Variants in ZGPAT observed in about 807,000 individuals in gnomAD.
ZGPAT encodes zinc finger CCCH-type and G-patch domain containing.
A neutral mutation model predicts 47.9 loss-of-function variants in ZGPAT; 39 were observed. The observed-to-expected ratio is 0.81, with a 90% CI of 0.63 to 1.06. The LOEUF is 1.06. ZGPAT is among the 50% of genes least tolerant of loss of function. The pLI, the probability that ZGPAT is intolerant of heterozygous loss-of-function variation, is 0.00. For missense variants in ZGPAT, 717 were observed against 681.4 expected, an observed-to-expected ratio of 1.05 and a Z score of -0.58; for synonymous variants, 348 against 292.9, an observed-to-expected ratio of 1.19 and a Z score of -1.92.
At chr20:63,712,048 T>C (rs2091674588) in intron 2 of ZGPAT, among the ~76,000 whole-genome samples, 1 of 152,256 alleles carries the variant, frequency 6.6e-6, no homozygotes, top group African/African-American at 2.4e-5. Context: ...TTATTGCCTA[T>C]GTTTTTGTCA....
At chr20:63,732,692 GCATGTGTATA>G (rs2091927784) in intron 2 of ZGPAT, among the ~76,000 whole-genome samples, 1 of 145,360 alleles carries the variant, frequency 6.9e-6, no homozygotes, top group Non-Finnish European at 1.5e-5. Context: ...ATGTGTGTAT[GCATGTGTATA>G]CATGTGTACT....
chr20:63,731,650 A>T (rs1468936853), intron 2 of ZGPAT, among the ~76,000 whole-genome samples: 1 of 146,242 alleles, frequency 6.8e-6, no homozygotes. Flanking sequence ...TAAAGTGTAC[A>T]GTTGGCCCTG....
chr20:63,735,878 C>T lies in ZGPAT; in HGVS notation c.1495C>T (p.Gln499Ter), dbSNP rs1422006131. ...RAQEAGLQQE[Q>*]RKADTHKKMT... ...TCAGGAAGCCGGCCTGCAGCAGGAGCAGAGGAAGGCAGACACCCACAAGAA... is the reference window on the plus strand; with the variant it reads ...TCAGGAAGCCGGCCTGCAGCAGGAGTAGAGGAAGGCAGACACCCACAAGAA... Residue 499 changes from glutamine to a stop codon, truncating the protein, a stop_gained, in exon 7 of 7, where the codon CAG becomes TAG. Coordinates refer to ENST00000355969, the MANE Select transcript of ZGPAT (RefSeq NM_181485.3). LOFTEE classifies it high-confidence loss of function. 6.2e-7 allele frequency: 1 copy of T among 1,612,898 alleles called. No homozygotes were observed. The highest frequency in any genetic ancestry group is 8.5e-7 in the Non-Finnish European group (1 of 1,179,934).
chr20:63,723,984 G>T (rs1451380422), intron 2 of ZGPAT, among the ~76,000 whole-genome samples: 1 of 152,152 alleles, frequency 6.6e-6, no homozygotes. Context: ...CCCAGCTAAG[G>T]TGGGAGGATC....
chr20:63,735,795 C>T lies in ZGPAT; in HGVS notation c.1412C>T (p.Ser471Leu), dbSNP rs1232914278. The change falls in exon 7 of 7, where the codon TCA becomes TTA. Residue 471 changes from serine (S) to leucine (L), a missense_variant. Physicochemically the swap from Ser to Leu is moderately radical, Grantham distance 145 (BLOSUM62 -2). Coordinates refer to ENST00000355969, the MANE Select transcript of ZGPAT (RefSeq NM_181485.3). Reference sequence around the variant, plus strand: ...CCCCTCCGCAGGCATAGCGTGGCGTCAGCCCAGCTGCAGGAGAAGCTGGCA... The same window carrying T: ...CCCCTCCGCAGGCATAGCGTGGCGTTAGCCCAGCTGCAGGAGAAGCTGGCA... The part of the protein sequence containing the change: ...ARNAGRHSVA[S>L]AQLQEKLAGA... 4 of 1,607,256 alleles carry T rather than the reference C, an allele frequency of 2.5e-6. No individual in the cohort carries two copies. The highest frequency in any genetic ancestry group is 1.1e-5 in the South Asian group (1 of 90,418).
Position 63,735,364 on chromosome 20 carries a change from T to C in ZGPAT, c.1197T>C (p.Asn399=), listed in dbSNP as rs1420399960. 6.5e-7 allele frequency: 1 copy of C among 1,545,366 alleles called. No individual in the cohort carries two copies. The highest frequency in any genetic ancestry group is 2.1e-5 in the Admixed American group (1 of 47,250). ...CTCGGAATGTGTTTGACTTCCTCAA[T>C]GAAAAGCTGCAAGGTCAGGCTCCTG... ...PAPRNVFDFL[N]EKLQGQAPGA... Residue 399 remains asparagine, a synonymous_variant, in exon 6 of 7, where the codon AAT becomes AAC. Coordinates refer to ENST00000355969, the MANE Select transcript of ZGPAT (RefSeq NM_181485.3).
intron 2 of ZGPAT, among the ~76,000 whole-genome samples, chr20:63,729,790 G>C (rs1181752674): frequency 6.6e-6 from 1 of 152,026 alleles, no homozygotes; most frequent in Non-Finnish European, 1.5e-5. Flanking sequence ...TGTCACTGAG[G>C]CGGAAGGATT....
upstream of ZGPAT, chr20:63,707,939 C>G (rs963386848): frequency 1.3e-5 from 2 of 152,320 alleles, no homozygotes; most frequent in Non-Finnish European, 2.9e-5. Context: ...GCTAACCCCG[C>G]GCGGCGCCTG....
At chr20:63,733,445 G>A (rs1346568820) in intron 3 of ZGPAT, 93 bp downstream of exon 3, 6 of 1,596,160 alleles carry the variant, frequency 3.8e-6, no homozygotes, top group Non-Finnish European at 5.1e-6. Context: ...TTTGGGTTGA[G>A]TGTCGGGACT....
rs1431588752 is a variant in ZGPAT at position 63,733,715 on chromosome 20, A to G, written c.847A>G (p.Thr283Ala). Residue 283 changes from threonine (T) to alanine (A), a missense_variant, in exon 4 of 7, where the codon ACG becomes GCG. Thr to Ala is a moderately conservative substitution (Grantham distance 58, BLOSUM62 0). Coordinates refer to ENST00000355969, the MANE Select transcript of ZGPAT (RefSeq NM_181485.3). ...AGAGTCCGACTCAGACAGCGACGGTACGGGTGACTCCAGCTATGCCAGAGG... is the reference window on the plus strand; with the variant it reads ...AGAGTCCGACTCAGACAGCGACGGTGCGGGTGACTCCAGCTATGCCAGAGG... ...ATESDSDSDG[T>A]GDSSYARVVG... 2 of 1,613,382 alleles carry G rather than the reference A, an allele frequency of 1.2e-6. No individual in the cohort carries two copies. Among genetic ancestry groups the G allele is most frequent in the East Asian group, 4.5e-5 (2 of 44,880 alleles).
chr20:63,717,031 G>C (rs1233296494), intron 2 of ZGPAT, among the ~76,000 whole-genome samples: 1 of 152,102 alleles, frequency 6.6e-6, no homozygotes, highest in Non-Finnish European at 1.5e-5. Flanking sequence ...CGGCCAGGCT[G>C]GTCTTGAAAT....
At chr20:63,732,070 A>G (rs1375606608) in intron 2 of ZGPAT, among the ~76,000 whole-genome samples, 1 of 151,798 alleles carries the variant, frequency 6.6e-6, no homozygotes, top group Non-Finnish European at 1.5e-5. Context: ...GCATGTGTGT[A>G]TATGCATGCC....
intron 4 of ZGPAT, chr20:63,733,949 C>T (rs1427730535): frequency 1.9e-5 from 12 of 619,146 alleles, no homozygotes; most frequent in Non-Finnish European, 3.0e-5. Context: ...CAGCTACAGT[C>T]TCATTGATGG....
intron 2 of ZGPAT, among the ~76,000 whole-genome samples, chr20:63,710,297 C>T (rs1454434963): frequency 2.6e-5 from 4 of 151,948 alleles, no homozygotes; most frequent in Non-Finnish European, 5.9e-5. Flanking sequence ...GCATTACAGG[C>T]GCCCGCCACC....
At chr20:63,735,711 A>G in intron 6 of ZGPAT, 70 bp from the exon 7 acceptor site, 2 of 1,545,304 alleles carry the variant, frequency 1.3e-6, no homozygotes, top group East Asian at 2.4e-5. Context: ...GCACACAGGC[A>G]GTGGGTACGG....
Position 63,735,440 on chromosome 20 carries a change from T to A in ZGPAT, c.1273T>A (p.Tyr425Asn). The change falls in exon 6 of 7, where the codon TAC (tyrosine) becomes AAC (asparagine). Residue 425 changes from tyrosine to asparagine, a missense_variant. By Grantham distance (143) the Tyr-to-Asn change is moderately radical. Transcript: ENST00000355969. ...APAGRRSKDM[Y>N]HASKSAKRAL... The stretch of plus-strand genomic sequence containing the variant: ...AGCGGGGAGGAGGAGCAAGGACATG[T>A]ACCATGCCAGCAAGAGTGCCAAGCG... 6.4e-7 allele frequency: 1 copy of A among 1,573,330 alleles called. No individual in the cohort carries two copies. The highest frequency in any genetic ancestry group is 8.6e-7 in the Non-Finnish European group (1 of 1,163,034).
chr20:63,732,173 G>A (rs1372371838), intron 2 of ZGPAT, among the ~76,000 whole-genome samples: 2 of 151,472 alleles, frequency 1.3e-5, no homozygotes, highest in African/African-American at 4.8e-5. Context: ...GTGGGTGACT[G>A]CATATGTGTG....
intron 2 of ZGPAT, among the ~76,000 whole-genome samples, chr20:63,724,183 T>G (rs2145671108): frequency 6.6e-6 from 1 of 152,006 alleles, no homozygotes; most frequent in Admixed American, 6.6e-5. Context: ...CTGGCCAACA[T>G]GGTGAAACCC....
chr20:63,725,274 G>A (rs781674492), intron 2 of ZGPAT, among the ~76,000 whole-genome samples: 9 of 152,196 alleles, frequency 5.9e-5, no homozygotes, highest in Admixed American at 3.9e-4. Context: ...GTGAGCCACC[G>A]CGCCCGGCTA....
Sources: gnomAD v4.1 joint callset for allele counts (sites outside exome capture counted in the v4.1 genomes callset) on GRCh38, gnomAD v4.1.1 for gene constraint, MANE v1.5 for transcripts, NCBI Gene and HGNC (gene_info 2026-07-23, HGNC 2026-07-21) for gene names.